Variants in HSD3B2 observed in about 807,000 individuals in gnomAD.
The protein encoded by HSD3B2 is 3 beta-hydroxysteroid dehydrogenase/Delta 5-->4-isomerase type 2.
HSD3B2 carries 8 observed loss-of-function variants against 9.9 expected under a neutral mutation model. The ratio of observed to expected loss-of-function variants is 0.81; its 90% confidence interval spans 0.47 to 1.46. The LOEUF is 1.46. Among genes scored for constraint, HSD3B2 ranks in the 40% most tolerant of loss-of-function variants. HSD3B2 has a pLI of 0.00. For synonymous variants in HSD3B2, 221 were observed against 184.5 expected, an observed-to-expected ratio of 1.20 and a Z score of -1.60; for missense variants, 410 against 448.3, an observed-to-expected ratio of 0.91 and a Z score of 0.77.
At position 119,422,376 on chromosome 1, in the gene HSD3B2, G is replaced by A. The variant is rs756663759; in HGVS notation, c.875G>A (p.Trp292Ter). 1.2e-6 allele frequency: 2 copies of A among 1,614,122 alleles called. No individual in the cohort carries two copies. Among genetic ancestry groups the A allele is most frequent in the Non-Finnish European group, 8.5e-7 (1 of 1,180,004 alleles). ...RWSLPLTLMY[W>*]IGFLLEVVSF... ...AGCCTTCCTTTAACCCTGATGTACT[G>A]GATTGGCTTCCTGCTGGAAGTAGTG... is the stretch of plus-strand genomic sequence containing the variant. Residue 292 changes from tryptophan to a stop codon, truncating the protein, a stop_gained, in exon 4 of 4, where the codon TGG becomes TAG. Coordinates refer to ENST00000369416, the MANE Select transcript of HSD3B2 (RefSeq NM_000198.4). LOFTEE classifies it low-confidence loss of function (END_TRUNC).
At chr1:119,421,494 AATAT>A (rs141535000) in intron 3 of HSD3B2, among the ~76,000 whole-genome samples, 28 of 108,436 alleles carry the variant, frequency 2.6e-4, no homozygotes, top group Admixed American at 1.3e-3. Context: ...TATATTTTAT[AATAT>A]ATATATATAT....
In HSD3B2 at chr1:119,421,912, C is replaced by G; in HGVS notation, c.411C>G (p.Ile137Met). ...VAGPNSYKEI[I>M]QNGHEEEPLE... The stretch of plus-strand genomic sequence containing the variant: ...GGCCCAACTCCTACAAGGAAATCAT[C>G]CAGAACGGCCACGAAGAAGAGCCTC... Residue 137 changes from isoleucine to methionine, a missense_variant, in exon 4 of 4, where the codon ATC becomes ATG. Coordinates refer to ENST00000369416, the MANE Select transcript of HSD3B2 (RefSeq NM_000198.4). 1.2e-6 allele frequency: 2 copies of G among 1,614,046 alleles called. No individual in the cohort carries two copies. The highest frequency in any genetic ancestry group is 2.2e-5 in the East Asian group (1 of 44,866).
intron 2 of HSD3B2, among the ~76,000 whole-genome samples, chr1:119,418,960 A>T (rs377098390): frequency 2.0e-5 from 3 of 152,128 alleles, no homozygotes; most frequent in African/African-American, 7.2e-5. Flanking sequence ...CTGTTTCTCT[A>T]CTTATTCCAA....
intron 3 of HSD3B2, 57 bp from the exon 4 acceptor site, chr1:119,421,752 T>C (rs1651882957): frequency 1.3e-6 from 2 of 1,590,336 alleles, no homozygotes; most frequent in Non-Finnish European, 1.7e-6. Context: ...TCTGTGCATG[T>C]GGTTGCAGCT....
In HSD3B2 at chr1:119,422,075, G is replaced by A. The variant is rs979301582; in HGVS notation, c.574G>A (p.Glu192Lys). Reference sequence around the variant, plus strand: ...GTTAAGACCCACATATATCTATGGGGAAGGAGGCCCATTCCTTTCTGCCAG... The same window carrying A: ...GTTAAGACCCACATATATCTATGGGAAAGGAGGCCCATTCCTTTCTGCCAG... ...CALRPTYIYG[E>K]GGPFLSASIN... Residue 192 changes from glutamate to lysine, a missense_variant, in exon 4 of 4, where the codon GAA (glutamate) becomes AAA (lysine). Physicochemically the swap from Glu to Lys is moderately conservative, Grantham distance 56. Transcript: ENST00000369416. The A allele has an allele frequency of 6.2e-7, 1 of 1,614,086 alleles. No homozygotes were observed. The highest frequency in any genetic ancestry group is 1.1e-5 in the South Asian group (1 of 91,076).
Position 119,422,226 on chromosome 1 carries a change from C to T in HSD3B2, c.725C>T (p.Pro242Leu). The change falls in exon 4 of 4, where the codon CCC (proline) becomes CTC (leucine). Residue 242 changes from proline to leucine, a missense_variant. Pro to Leu is a moderately conservative substitution (Grantham distance 98, BLOSUM62 -3). Coordinates refer to ENST00000369416, the MANE Select transcript of HSD3B2 (RefSeq NM_000198.4). The stretch of plus-strand genomic sequence containing the variant: ...CTGGCCTTGAGGGCTCTGCGGGACC[C>T]CAAGAAGGCCCCAAGTGTCCGAGGT... ...HILALRALRD[P>L]KKAPSVRGQF... The T allele has an allele frequency of 6.2e-7, 1 of 1,614,068 alleles. No individual in the cohort carries two copies. Among genetic ancestry groups the T allele is most frequent in the African/African-American group, 1.3e-5 (1 of 75,026 alleles).
At position 119,418,146 on chromosome 1, in the gene HSD3B2, T is replaced by G. The variant is rs181370615; in HGVS notation, c.143-1272T>G. 5.9e-5 allele frequency among the ~76,000 whole-genome samples: 9 copies of G among 152,372 alleles called. No homozygotes were observed. The East Asian group carries it at 1.7e-3, about 29-fold the overall frequency. ...TGGATTTCAGAGGAGCCTGAAGATATGGATGTTACATCCGCTGCCCTTGGC... is the reference window on the plus strand; with the variant it reads ...TGGATTTCAGAGGAGCCTGAAGATAGGGATGTTACATCCGCTGCCCTTGGC... On this transcript the variant is annotated intron_variant, in intron 2 of 3. Coordinates refer to ENST00000369416, the MANE Select transcript of HSD3B2 (RefSeq NM_000198.4).
At position 119,421,455 on chromosome 1, in the gene HSD3B2, A is replaced by G. The variant is rs1388087112; in HGVS notation, c.308-354A>G. Among the ~76,000 whole-genome samples, 36 of 27,642 alleles carry G rather than the reference A, an allele frequency of 1.3e-3. 2 individuals carry two copies. Among genetic ancestry groups the G allele is most frequent in the Non-Finnish European group, 1.3e-3 (10 of 7,856 alleles). The allele number at this position is 27,642 out of a possible 152,430, so 18.1% of individuals were successfully genotyped here. A position where few individuals can be genotyped will look rare whatever the true frequency, so the allele number is the denominator to read the frequency against. Reference sequence around the variant, plus strand: ...TATATATATATGTATATATATATGTATATATATATGTATATATATATGTAT... The same window carrying G: ...TATATATATATGTATATATATATGTGTATATATATGTATATATATATGTAT... On this transcript the variant is annotated intron_variant, in intron 3 of 3. Transcript: ENST00000369416.
rs1434676668 is a variant in HSD3B2, at chr1:119,422,485, C to G, written c.984C>G (p.Phe328Leu). Reference protein sequence around the residue: ...TVTLSNSVFTFSYKKAQRDLA... With the variant: ...TVTLSNSVFTLSYKKAQRDLA... ...CATTATCAAATAGTGTGTTCACCTT[C>G]TCTTACAAGAAGGCTCAGCGAGATC... The change falls in exon 4 of 4, where the codon TTC (phenylalanine) becomes TTG (leucine). Residue 328 changes from phenylalanine to leucine, a missense_variant. Transcript: ENST00000369416. The G allele has an allele frequency of 1.9e-6, 3 of 1,614,122 alleles. No homozygotes were observed. Among genetic ancestry groups the G allele is most frequent in the Non-Finnish European group, 2.5e-6 (3 of 1,180,006 alleles).
In HSD3B2 at chr1:119,421,965, C is replaced by T. The variant is rs779418168; in HGVS notation, c.464C>T (p.Pro155Leu). Residue 155 changes from proline (P) to leucine (L), a missense_variant, in exon 4 of 4, where the codon CCG (proline) becomes CTG (leucine). By Grantham distance (98) the Pro-to-Leu change is moderately conservative. Transcript: ENST00000369416. ...GAAAACACATGGCCCACTCCATACC[C>T]GTACAGCAAAAAGCTTGCTGAGAAG... is the stretch of plus-strand genomic sequence containing the variant. The part of the protein sequence containing the change: ...PLENTWPTPY[P>L]YSKKLAEKAV... 1.9e-6 allele frequency: 3 copies of T among 1,614,038 alleles called. No homozygotes were observed. Among genetic ancestry groups the T allele is most frequent in the South Asian group, 1.1e-5 (1 of 91,074 alleles).
chr1:119,420,033 C>T (rs935326415), intron 3 of HSD3B2: 5 of 236,402 alleles, frequency 2.1e-5, no homozygotes, highest in Non-Finnish European at 4.2e-5. Context: ...CATTCAGAGT[C>T]TTCCTGCCCA....
intron 3 of HSD3B2, chr1:119,419,935 G>T (rs1651813967): frequency 3.0e-6 from 1 of 338,302 alleles, no homozygotes; most frequent in African/African-American, 2.1e-5. Flanking sequence ...ACGATATCCA[G>T]CTACTCCTTG....
intron 2 of HSD3B2, among the ~76,000 whole-genome samples, chr1:119,417,710 T>C (rs1194516272): frequency 6.6e-6 from 1 of 152,318 alleles, no homozygotes; most frequent in East Asian, 1.9e-4. Flanking sequence ...CAGCCTTGAA[T>C]TTTTCATTCT....
intron 3 of HSD3B2, among the ~76,000 whole-genome samples, chr1:119,421,270 G>A (rs1651848077): frequency 6.6e-6 from 1 of 150,818 alleles, no homozygotes; most frequent in Non-Finnish European, 1.5e-5. Flanking sequence ...GATTTTAAAT[G>A]ATCTGTCTTT....
chr1:119,420,638 G>C (rs1651834154), intron 3 of HSD3B2, among the ~76,000 whole-genome samples: 1 of 152,132 alleles, frequency 6.6e-6, no homozygotes, highest in African/African-American at 2.4e-5. Context: ...CACAATGATG[G>C]CCATTTCATG....
At chr1:119,419,651 G>C in intron 3 of HSD3B2, 69 bp downstream of exon 3, 2 of 1,480,896 alleles carry the variant, frequency 1.4e-6, no homozygotes, top group Non-Finnish European at 1.9e-6. Context: ...ACAAGAAAGG[G>C]AAGAGAAGTC....
chr1:119,418,258 G>T (rs926700777), intron 2 of HSD3B2, among the ~76,000 whole-genome samples: 2 of 152,168 alleles, frequency 1.3e-5, no homozygotes, highest in Non-Finnish European at 1.5e-5. Flanking sequence ...TCTGATAAAA[G>T]TTTCTCAATG....
intron 2 of HSD3B2, chr1:119,417,517 C>A (rs1651743458): frequency 6.6e-6 from 1 of 152,176 alleles, no homozygotes; most frequent in Non-Finnish European, 1.5e-5. Flanking sequence ...GGAAATACAA[C>A]CAGAGAAAAT....
chr1:119,416,228 C>T (rs1390718547), intron 2 of HSD3B2, among the ~76,000 whole-genome samples: 1 of 152,008 alleles, frequency 6.6e-6, no homozygotes, highest in Non-Finnish European at 1.5e-5. Flanking sequence ...AGAGAGCATG[C>T]ACAAGTGCAC....
Sources: allele counts gnomAD v4.1 joint callset (sites outside exome capture counted in the v4.1 genomes callset), GRCh38; gene constraint gnomAD v4.1.1; transcripts MANE v1.5; gene names NCBI Gene and HGNC (gene_info 2026-07-23, HGNC 2026-07-21).